Variants in LAMB1 observed in about 807,000 individuals in gnomAD.
LAMB1 encodes laminin subunit beta 1.
In LAMB1, 121 loss-of-function variants were observed where a neutral mutation model predicts 222.3. The ratio of observed to expected loss-of-function variants is 0.54; its 90% CI spans 0.47 to 0.63. The LOEUF (loss-of-function observed/expected upper bound fraction) is 0.63, where lower values mean the gene tolerates loss of function less well. LAMB1 is among the 30% of genes least tolerant of loss of function. LAMB1 has a pLI of 0.00. For synonymous variants in LAMB1, 794 were observed against 807.2 expected, an observed-to-expected ratio of 0.98 and a Z score of 0.28; for missense variants, 2,172 against 2,240.8, an observed-to-expected ratio of 0.97 and a Z score of 0.62.
In LAMB1 at chr7:107,952,142, CACTG is replaced by C; in HGVS notation, c.3157_3160del (p.Gln1053AlafsTer7). 6.2e-7 allele frequency: 1 copy of C among 1,613,982 alleles called. No homozygotes were observed. The highest frequency in any genetic ancestry group is 8.5e-7 in the Non-Finnish European group (1 of 1,179,906). ...CCCGATCACATTAGGAAGACACAAG[CACTG>C]ACCAGTGGCTTTGTCGCACTGGCAG... On this transcript the variant is annotated frameshift_variant, in exon 23 of 34. Transcript: ENST00000222399. LOFTEE classifies it high-confidence loss of function.
At chr7:107,962,063 C>T (rs895970248) in intron 15 of LAMB1, among the ~76,000 whole-genome samples, 9 of 152,168 alleles carry the variant, frequency 5.9e-5, no homozygotes, top group Admixed American at 2.0e-4. Flanking sequence ...TGGAATGATT[C>T]TCAATAAAAA....
chr7:108,000,384 G>C (rs1299436999), intron 3 of LAMB1, among the ~76,000 whole-genome samples: 1 of 152,124 alleles, frequency 6.6e-6, no homozygotes, highest in African/African-American at 2.4e-5. Context: ...CCATTTTAAG[G>C]GATCTGCTGT....
chr7:107,940,042 C>G lies in LAMB1; in HGVS notation c.3708G>C (p.Gln1236His), dbSNP rs547294786. 3 of 1,614,186 alleles carry G rather than the reference C, an allele frequency of 1.9e-6. No homozygotes were observed. Among genetic ancestry groups the G allele is most frequent in the East Asian group, 2.2e-5 (1 of 44,884 alleles). Residue 1236 changes from glutamine (Q) to histidine (H), a missense_variant, in exon 25 of 34, where the codon CAG (glutamine) becomes CAC (histidine). Physicochemically the swap from Gln to His is conservative, Grantham distance 24. Transcript: ENST00000222399. ...TTTTCAGTGGCTCTGCTGCGGGGCT[C>G]TGCGCCAGGATGTCTTTTATCTCGC... is the stretch of plus-strand genomic sequence containing the variant. Reference protein sequence around the residue: ...KVSEIKDILAQSPAAEPLKNI... With the variant: ...KVSEIKDILAHSPAAEPLKNI...
Position 107,964,707 on chromosome 7 carries a change from A to C in LAMB1, c.1563-20T>G, listed in dbSNP as rs775530694. 6.2e-7 allele frequency: 1 copy of C among 1,613,790 alleles called. No homozygotes were observed. Among genetic ancestry groups the C allele is most frequent in the Non-Finnish European group, 8.5e-7 (1 of 1,179,864 alleles). Reference sequence around the variant, plus strand: ...AAGCAACTGGAAGGGAGGAGGAGCCACATCAGCTGAGTTCATGGTCACGCG... The same window carrying C: ...AAGCAACTGGAAGGGAGGAGGAGCCCCATCAGCTGAGTTCATGGTCACGCG... On this transcript the variant is annotated intron_variant, in intron 13 of 33. Coordinates refer to ENST00000222399, the MANE Select transcript of LAMB1 (RefSeq NM_002291.3).
intron 9 of LAMB1, 128 bp downstream of exon 9, chr7:107,977,919 G>A: frequency 2.1e-6 from 2 of 973,966 alleles, no homozygotes; most frequent in Non-Finnish European, 3.1e-6. Context: ...GAGTATCAGG[G>A]TGAAGCTGGA....
Position 107,955,630 on chromosome 7 carries a change from C to T in LAMB1, c.2691G>A (p.Arg897=), listed in dbSNP as rs1217726667. 6.2e-7 allele frequency: 1 copy of T among 1,611,158 alleles called. No homozygotes were observed. Among genetic ancestry groups the T allele is most frequent in the East Asian group, 2.2e-5 (1 of 44,786 alleles). Residue 897 remains arginine, a splice_region_variant and synonymous_variant, in exon 21 of 34, where the codon AGG becomes AGA. Transcript: ENST00000222399. The part of the protein sequence containing the change: ...QDYTMGHNCE[R]CLAGYYGDPI... ...GGTCGCCATAGTAACCAGCCAAGCACCTGCATCAGTCACAGAAGAGAACAG... is the reference window on the plus strand; with the variant it reads ...GGTCGCCATAGTAACCAGCCAAGCATCTGCATCAGTCACAGAAGAGAACAG...
intron 27 of LAMB1, among the ~76,000 whole-genome samples, chr7:107,933,753 G>A (rs1306570670): frequency 3.9e-5 from 6 of 152,106 alleles, no homozygotes. Context: ...CATTAACAAA[G>A]ACAAAAACAC....
At chr7:107,951,963 G>GC in intron 23 of LAMB1, 46 bp downstream of exon 23, 8 of 1,519,160 alleles carry the variant, frequency 5.3e-6, no homozygotes, top group Non-Finnish European at 7.2e-6. Flanking sequence ...ACCATGGGCT[G>GC]ACACCTGAGC....
chr7:107,966,800 G>A (rs1038660049), intron 13 of LAMB1, among the ~76,000 whole-genome samples: 10 of 152,286 alleles, frequency 6.6e-5, no homozygotes, highest in African/African-American at 2.4e-4. Context: ...GCAGGCTCCC[G>A]GTGCTGCCTC....
intron 4 of LAMB1, among the ~76,000 whole-genome samples, chr7:107,996,566 A>C (rs1285743258): frequency 2.6e-5 from 4 of 152,218 alleles, no homozygotes; most frequent in African/African-American, 9.6e-5. Flanking sequence ...GTATAGTAAC[A>C]ATCAGTCTGA....
At chr7:108,001,265 T>TA (rs1235613262) in intron 3 of LAMB1, among the ~76,000 whole-genome samples, 2 of 152,184 alleles carry the variant, frequency 1.3e-5, no homozygotes, top group African/African-American at 2.4e-5. Context: ...ACTAAAGTTT[T>TA]AAAAAACACA....
intron 2 of LAMB1, chr7:108,002,378 G>A: frequency 7.6e-7 from 1 of 1,317,316 alleles, no homozygotes. Context: ...GCCAGGTCCT[G>A]CTGTTTCTGG....
At position 107,966,177 on chromosome 7, in the gene LAMB1, G is replaced by A. The variant is rs1249336002; in HGVS notation, c.1563-1490C>T. On this transcript the variant is annotated intron_variant, in intron 13 of 33. Coordinates refer to ENST00000222399, the MANE Select transcript of LAMB1 (RefSeq NM_002291.3). ...AAGTCCTCTTTTTGTGTATCATGTT[G>A]TTATCCTACAGGAATAGGAACTCTT... Among the ~76,000 whole-genome samples the A allele has an allele frequency of 2.0e-5, 3 of 152,060 alleles. No homozygotes were observed. In the East Asian group the frequency reaches 5.8e-4, roughly 29 times the overall value.
intron 5 of LAMB1, among the ~76,000 whole-genome samples, chr7:107,993,971 C>T (rs1316884506): frequency 6.6e-6 from 1 of 152,222 alleles, no homozygotes; most frequent in East Asian, 1.9e-4. Context: ...ACCCTAGCTC[C>T]TTGGCCTCCC....
chr7:107,963,956 G>C (rs867978403), intron 14 of LAMB1, among the ~76,000 whole-genome samples: 2 of 152,232 alleles, frequency 1.3e-5, no homozygotes, highest in African/African-American at 4.8e-5. Context: ...AAATTAGCCA[G>C]GCGTGGTGGC....
rs200030050 is a variant in LAMB1, at chr7:107,952,082, T to G, written c.3221A>C (p.Gln1074Pro). 180 of 1,614,034 alleles carry G rather than the reference T, an allele frequency of 1.1e-4. 1 individual carries two copies. Among genetic ancestry groups the G allele is most frequent in the Non-Finnish European group, 1.4e-5 (17 of 1,180,020 alleles). Reference sequence around the variant, plus strand: ...GTCACAGCCAGTGCCACTGGCCAGCTGCCAGGTATTGGGCGCACAGCGGTC... The same window carrying G: ...GTCACAGCCAGTGCCACTGGCCAGCGGCCAGGTATTGGGCGCACAGCGGTC... ...NCDRCAPNTW[Q>P]LASGTGCDPC... is the part of the protein sequence containing the mutation. Residue 1074 changes from glutamine to proline, a missense_variant, in exon 23 of 34, where the codon CAG becomes CCG. Coordinates refer to ENST00000222399, the MANE Select transcript of LAMB1 (RefSeq NM_002291.3).
chr7:107,931,848 GTA>G (rs979422770), intron 28 of LAMB1: 1 of 493,324 alleles, frequency 2.0e-6, no homozygotes, highest in African/African-American at 1.9e-5. Flanking sequence ...CAATTGCTTA[GTA>G]TAGAGTTTTT....
rs552337909 is a variant in LAMB1, at chr7:107,971,925, A to G, written c.1562+1067T>C. 2.0e-5 allele frequency among the ~76,000 whole-genome samples: 3 copies of G among 152,338 alleles called. No individual in the cohort carries two copies. In the South Asian group the frequency reaches 6.2e-4, roughly 32 times the overall value. ...CTCATCAAGAAGGACTTTAGGAGTG[A>G]TGACAGCTTTGAACTGAGGAGTCAT... On this transcript the variant is annotated intron_variant, in intron 13 of 33. Coordinates refer to ENST00000222399, the MANE Select transcript of LAMB1 (RefSeq NM_002291.3).
intron 17 of LAMB1, 75 bp downstream of exon 17, chr7:107,961,131 C>G (rs993106175): frequency 6.3e-7 from 1 of 1,586,066 alleles, no homozygotes; most frequent in East Asian, 2.2e-5. Flanking sequence ...TACCCCTCAA[C>G]AAAACACCCT....
Sources: gnomAD v4.1 joint callset for allele counts (sites outside exome capture counted in the v4.1 genomes callset) on GRCh38, gnomAD v4.1.1 for gene constraint, MANE v1.5 for transcripts, NCBI Gene and HGNC (gene_info 2026-07-23, HGNC 2026-07-21) for gene names.